Variants in TET3 observed in about 807,000 individuals in gnomAD.
The protein encoded by TET3 is tet methylcytosine dioxygenase 3, also known as methylcytosine dioxygenase TET3.
TET3 carries 19 observed loss-of-function variants against 141.4 expected under a neutral mutation model. The observed-to-expected ratio is 0.13, with a 90% CI of 0.09 to 0.20. TET3 has a LOEUF of 0.20. Ranked by LOEUF, TET3 falls within the 10% of genes least tolerant of loss-of-function variation. The pLI, the probability that TET3 is intolerant of heterozygous loss-of-function variation, is 1.00. For synonymous variants in TET3, 1,043 were observed against 980.9 expected, an observed-to-expected ratio of 1.06 and a Z score of -1.18; for missense variants, 1,874 against 2,356.9, an observed-to-expected ratio of 0.80 and a Z score of 4.24.
chr2:74,086,415 C>A (rs2104048289), intron 6 of TET3, among the ~76,000 whole-genome samples: 1 of 151,982 alleles, frequency 6.6e-6, no homozygotes, highest in African/African-American at 2.4e-5. Context: ...AGATACAATT[C>A]TCGTACCATA....
intron 5 of TET3, among the ~76,000 whole-genome samples, chr2:74,077,277 A>T (rs1213352705): frequency 6.6e-6 from 1 of 152,184 alleles, no homozygotes; most frequent in Non-Finnish European, 1.5e-5. Flanking sequence ...AGCACAGATG[A>T]CTGGGCCCCA....
In TET3 at chr2:74,102,764, A is replaced by AT. The variant is rs1312846562; in HGVS notation, c.*589dup. 6.6e-6 allele frequency: 1 copy of AT among 152,080 alleles called. No homozygotes were observed. Among genetic ancestry groups the AT allele is most frequent in the African/African-American group, 2.4e-5 (1 of 41,398 alleles). The allele number at this position is 152,080 out of a possible 1,614,324, so 9.4% of individuals were successfully genotyped here. On this transcript the variant is annotated 3_prime_UTR_variant, in exon 12 of 12. Coordinates refer to ENST00000409262, the MANE Select transcript of TET3 (RefSeq NM_001287491.2). ...AGCGCGGACGGTAGCCACCCAGTTC[A>AT]TCCCTCCCGACATACACCCCTTCCC...
At chr2:73,984,452 G>T (rs1324048861), upstream of TET3, among the ~76,000 whole-genome samples, 1 of 152,176 alleles carries the variant, frequency 6.6e-6, no homozygotes, top group Non-Finnish European at 1.5e-5. This position sits in a 1 kb window ranked among gnomAD's most constrained non-coding sequence, Gnocchi z 5.6. Context: ...CTGGGACAGG[G>T]GGGTCAGTCG....
rs993757044 is a variant in TET3, at chr2:74,013,605, C to A, written c.360+10439C>A. Among the ~76,000 whole-genome samples the A allele has an allele frequency of 4.3e-4, 65 of 151,802 alleles. 1 individual carries two copies. Among genetic ancestry groups the A allele is most frequent in the African/African-American group, 1.4e-3 (60 of 41,418 alleles). ...TGGGTGGATCACGAGGTCAGGAGATCGAGACCATCCTGGCTAACACAGTGA... is the reference window on the plus strand; with the variant it reads ...TGGGTGGATCACGAGGTCAGGAGATAGAGACCATCCTGGCTAACACAGTGA... On this transcript the variant is annotated intron_variant, in intron 3 of 11. Transcript: ENST00000409262.
At chr2:74,018,040 T>C (rs1685829158) in intron 3 of TET3, among the ~76,000 whole-genome samples, 1 of 146,358 alleles carries the variant, frequency 6.8e-6, no homozygotes, top group Non-Finnish European at 1.5e-5. Flanking sequence ...CAATCTCGGC[T>C]CACTGCAACC....
At chr2:74,121,062 T>C in the TET3 span, 1 of 151,120 alleles carries the variant, frequency 6.6e-6, no homozygotes, top group Non-Finnish European at 1.5e-5. Flanking sequence ...TAAAAGACAA[T>C]TGAGATTATA....
At chr2:74,076,441 G>GTTTT (rs70965785) in intron 5 of TET3, among the ~76,000 whole-genome samples, 7 of 56,582 alleles carry the variant, frequency 1.2e-4, no homozygotes, top group East Asian at 7.5e-4. Flanking sequence ...ATTCCTCTGG[G>GTTTT]TTTTTTTTTT....
chr2:74,101,087 C>T lies in TET3; in HGVS notation c.4299C>T (p.His1433=), dbSNP rs753205379. Residue 1433 remains histidine (H), a synonymous_variant, in exon 12 of 12, where the codon CAC becomes CAT. Transcript: ENST00000409262. The surrounding 1 kb of genome is among the most constrained non-coding windows in gnomAD (Gnocchi z 8.5). ...TGTCTCAGAATGGAGGACCCAGTCA[C>T]CTTTGGGGACAGTACTCAGGAGGCC... The part of the protein sequence containing the change: ...SEVSQNGGPS[H]LWGQYSGGPS... 2.5e-6 allele frequency: 4 copies of T among 1,612,986 alleles called. No individual in the cohort carries two copies. The highest frequency in any genetic ancestry group is 2.2e-5 in the South Asian group (2 of 90,870).
intron 8 of TET3, 145 bp downstream of exon 8, chr2:74,090,192 TC>T: frequency 7.7e-7 from 1 of 1,299,020 alleles, no homozygotes; most frequent in Non-Finnish European, 1.0e-6. Context: ...GCTGACCTTA[TC>T]TTGCTGTGAA....
Position 74,047,356 on chromosome 2 carries a change from G to T in TET3, c.1439G>T (p.Arg480Leu), listed in dbSNP as rs1010595721. Residue 480 changes from arginine to leucine, a missense_variant, in exon 4 of 12, where the codon CGG (arginine) becomes CTG (leucine). By Grantham distance (102) the Arg-to-Leu change is moderately radical (BLOSUM62 -2). Transcript: ENST00000409262. The stretch of plus-strand genomic sequence containing the variant: ...GATTACATCCAGTCAGTATTCAAGC[G>T]GCCTGAGGCCCTGCCTACCAAGCCC... ...ASDYIQSVFK[R>L]PEALPTKPKV... 1.9e-6 allele frequency: 3 copies of T among 1,613,942 alleles called. No individual in the cohort carries two copies. The highest frequency in any genetic ancestry group is 1.7e-6 in the Non-Finnish European group (2 of 1,179,886).
intron 3 of TET3, among the ~76,000 whole-genome samples, chr2:74,029,747 C>A (rs753892316): frequency 6.6e-6 from 1 of 152,214 alleles, no homozygotes; most frequent in South Asian, 2.1e-4. Flanking sequence ...GTTCCTTATT[C>A]TATGCCTATG....
rs1345877658 is a variant in TET3 at position 73,986,106 on chromosome 2, G to T, written c.-298G>T. ...GCCTGGGTCCAGGGTGGGTGAGGGT[G>T]AAGAACCCACCGGGCCAAGATGATC... On this transcript the variant is annotated 5_prime_UTR_variant, in exon 2 of 12. It introduces an in-frame stop codon into an upstream open reading frame of the 5' UTR. Transcript: ENST00000409262. 1.5e-4 allele frequency: 40 copies of T among 267,646 alleles called. 1 individual carries two copies. The Admixed American group carries it at 2.1e-3, about 14-fold the overall frequency. 16.6% of individuals were successfully genotyped at this position (267,646 alleles called of 1,614,324 possible). A position where few individuals can be genotyped will look rare whatever the true frequency, so the allele number is the denominator to read the frequency against.
At chr2:74,061,870 G>A (rs969753692) in intron 4 of TET3, among the ~76,000 whole-genome samples, 52 of 149,156 alleles carry the variant, frequency 3.5e-4, no homozygotes, top group African/African-American at 1.0e-3. Flanking sequence ...GATGGCGGCC[G>A]GGAAGAGGCG....
In TET3 at chr2:74,047,224, C is replaced by T. The variant is rs201500476; in HGVS notation, c.1307C>T (p.Ala436Val). The T allele has an allele frequency of 3.9e-5, 63 of 1,614,040 alleles. No homozygotes were observed. The African/African-American group carries it at 7.9e-4, about 20-fold the overall frequency. The change falls in exon 4 of 12, where the codon GCC becomes GTC. Residue 436 changes from alanine (A) to valine (V), a missense_variant. Around this residue, in one of 10 missense-constraint regions of TET3, gnomAD observed 484 missense variants for 462.2 expected, o/e 1.05. Coordinates refer to ENST00000409262, the MANE Select transcript of TET3 (RefSeq NM_001287491.2). ...PATPRTEFPEAWGTDTPPATP... is the reference protein window; with the variant it reads ...PATPRTEFPEVWGTDTPPATP... ...ACTCCTAGAACTGAGTTCCCTGAAG[C>T]CTGGGGCACTGACACCCCTCCAGCA... is the stretch of plus-strand genomic sequence containing the variant.
chr2:74,050,338 G>A (rs1687880738), intron 4 of TET3, among the ~76,000 whole-genome samples: 1 of 152,154 alleles, frequency 6.6e-6, no homozygotes, highest in African/African-American at 2.4e-5. Context: ...TCGTTACTAT[G>A]TGTAAAGCAC....
At chr2:74,052,497 C>T (rs1183854185) in intron 4 of TET3, among the ~76,000 whole-genome samples, 2 of 144,272 alleles carry the variant, frequency 1.4e-5, no homozygotes, top group Non-Finnish European at 3.0e-5. Flanking sequence ...ATGAAGCCAT[C>T]TAAGAGCTGA....
At chr2:74,025,309 G>C (rs1428121487) in intron 3 of TET3, among the ~76,000 whole-genome samples, 1 of 145,744 alleles carries the variant, frequency 6.9e-6, no homozygotes, top group African/African-American at 2.5e-5. Context: ...TTTTTTTTGA[G>C]ATGGAGTCTC....
chr2:74,038,128 G>C (rs928643648), intron 3 of TET3, among the ~76,000 whole-genome samples: 8 of 152,214 alleles, frequency 5.3e-5, no homozygotes, highest in African/African-American at 1.9e-4. Flanking sequence ...AGGGGACCTT[G>C]TGAGCTAGCC....
At chr2:74,002,688 G>T in intron 2 of TET3, 2 of 423,636 alleles carry the variant, frequency 4.7e-6, no homozygotes, top group Non-Finnish European at 8.3e-6. Flanking sequence ...GCGGGGAGGG[G>T]AGCGCAGCCG....
Sources: gnomAD v4.1 joint callset for allele counts (sites outside exome capture counted in the v4.1 genomes callset) on GRCh38, gnomAD v4.1.1 for gene constraint, gnomAD v4.1.1 regional missense constraint, Gnocchi (gnomAD v3.1) non-coding constraint, MANE v1.5 for transcripts, NCBI Gene and HGNC (gene_info 2026-07-23, HGNC 2026-07-21) for gene names.